PASK: variants seen among roughly 807,000 people sequenced by gnomAD.
The protein encoded by PASK is PAS domain-containing serine/threonine-protein kinase.
Under a neutral mutation model 121.0 loss-of-function variants are expected in PASK, and 110 were observed. The ratio of observed to expected loss-of-function variants is 0.91; its 90% CI spans 0.78 to 1.06. The LOEUF is 1.06. Ranked by LOEUF, PASK falls within the 50% of genes least tolerant of loss-of-function variation. PASK has a pLI of 0.00. For missense variants in PASK, 1,643 were observed against 1,702.3 expected (o/e 0.97, Z 0.61); for synonymous variants, 686 against 717.8 (o/e 0.96, Z 0.71).
intron 1 of PASK, among the ~76,000 whole-genome samples, chr2:241,146,997 A>G (rs540526128): frequency 1.1e-4 from 16 of 152,348 alleles, no homozygotes; most frequent in African/African-American, 3.4e-4. Context: ...GATGTGTAGG[A>G]AGCTATTACA....
chr2:241,140,052 G>C lies in PASK; in HGVS notation c.433C>G (p.Leu145Val), dbSNP rs780775907. ...FTVDAKTTEI[L>V]VANDKACGLL... ...CCGCAAGCTTTGTCGTTAGCAACCA[G>C]GATCTGAGGAATCACAAAGAGGAGC... Residue 145 changes from leucine to valine, a missense_variant, in exon 4 of 18, where the codon CTG becomes GTG. By Grantham distance (32) the Leu-to-Val change is conservative. Transcript: ENST00000234040. The C allele has an allele frequency of 6.2e-7, 1 of 1,613,640 alleles. No homozygotes were observed. Among genetic ancestry groups the C allele is most frequent in the Admixed American group, 1.7e-5 (1 of 59,988 alleles).
intron 11 of PASK, among the ~76,000 whole-genome samples, chr2:241,123,149 G>C (rs112847895): frequency 0.037 from 5,589 of 151,540 alleles, 359 homozygotes; most frequent in African/African-American, 0.13. Context: ...CATATACATG[G>C]GCCTAGGCAG....
chr2:241,126,052 A>G, intron 10 of PASK, 144 bp downstream of exon 10: 1 of 781,352 alleles, frequency 1.3e-6, no homozygotes, highest in Non-Finnish European at 2.1e-6. Context: ...GGTGGATGAT[A>G]TGCATTCTCC....
At chr2:241,148,046 A>G (rs2067051977) in intron 1 of PASK, among the ~76,000 whole-genome samples, 1 of 152,172 alleles carries the variant, frequency 6.6e-6, no homozygotes, top group African/African-American at 2.4e-5. Context: ...ATGACCTTAG[A>G]TCACTAAATT....
intron 1 of PASK, among the ~76,000 whole-genome samples, chr2:241,148,460 T>G (rs2067083457): frequency 1.3e-5 from 2 of 152,130 alleles, no homozygotes. Context: ...AGGAGGCACC[T>G]GCAGAGCCGG....
At chr2:241,125,609 G>GAAAAAAAAAAAAAAAAAAAAAA (rs11353969) in intron 10 of PASK, among the ~76,000 whole-genome samples, 1 of 118,396 alleles carries the variant, frequency 8.4e-6, no homozygotes, top group Non-Finnish European at 1.8e-5. Flanking sequence ...CAAAAAAAAA[G>GAAAAAAAAAAAAAAAAAAAAAA]AAAAAAAAAA....
rs1296628970 is a variant in PASK at position 241,108,769 on chromosome 2, T to C, written c.3534-469A>G. 3.7e-6 allele frequency: 1 copy of C among 273,406 alleles called. No homozygotes were observed. Among genetic ancestry groups the C allele is most frequent in the East Asian group, 9.1e-5 (1 of 10,972 alleles). 16.9% of individuals were successfully genotyped at this position (273,406 alleles called of 1,614,324 possible). A position where few individuals can be genotyped will look rare whatever the true frequency, so the allele number is the denominator to read the frequency against. On this transcript the variant is annotated intron_variant, in intron 15 of 17. Coordinates refer to ENST00000234040, the MANE Select transcript of PASK (RefSeq NM_015148.4). This position sits in a 1 kb window ranked among gnomAD's most constrained non-coding sequence, Gnocchi z 5.2. ...TGGACACACATGCCCTTTAGGAAGATGGCTGTGGCGACGATGTGAAGGGTG... is the reference window on the plus strand; with the variant it reads ...TGGACACACATGCCCTTTAGGAAGACGGCTGTGGCGACGATGTGAAGGGTG...
intron 12 of PASK, among the ~76,000 whole-genome samples, chr2:241,120,678 T>C (rs935919361): frequency 3.3e-5 from 5 of 152,118 alleles, no homozygotes; most frequent in Non-Finnish European, 7.4e-5. Flanking sequence ...CAATAATAAG[T>C]GTTGACAAGG....
intron 6 of PASK, 98 bp from the exon 7 acceptor site, chr2:241,137,362 G>A (rs767001575): frequency 6.4e-5 from 61 of 956,706 alleles, no homozygotes; most frequent in Non-Finnish European, 7.8e-5. Flanking sequence ...CCACGTCATC[G>A]GGGAAGGTCC....
chr2:241,114,487 T>C (rs2065242326), intron 14 of PASK: 6 of 998,918 alleles, frequency 6.0e-6, no homozygotes, highest in Non-Finnish European at 7.2e-6. Context: ...TTCTTCCCCC[T>C]GTCCCTCTGC....
intron 9 of PASK, among the ~76,000 whole-genome samples, chr2:241,129,721 C>T (rs368236105): frequency 2.8e-4 from 42 of 152,320 alleles, no homozygotes; most frequent in African/African-American, 9.4e-4. Flanking sequence ...AGCCAGGCAT[C>T]GCCACGCCAC....
At position 241,124,110 on chromosome 2, in the gene PASK, C is replaced by T; in HGVS notation, c.2743G>A (p.Val915Met). The T allele has an allele frequency of 6.2e-7, 1 of 1,613,636 alleles. No homozygotes were observed. The highest frequency in any genetic ancestry group is 1.3e-5 in the African/African-American group (1 of 75,022). The change falls in exon 11 of 18, where the codon GTG becomes ATG. Residue 915 changes from valine (V) to methionine (M), a missense_variant. By Grantham distance (21) the Val-to-Met change is conservative. Coordinates refer to ENST00000234040, the MANE Select transcript of PASK (RefSeq NM_015148.4). ...AGAGGTGTGGGGCCCTGGAGCTCCACCCGCCTCACCTCAAACTGTATACCT... is the reference window on the plus strand; with the variant it reads ...AGAGGTGTGGGGCCCTGGAGCTCCATCCGCCTCACCTCAAACTGTATACCT... ...RLSIQFEVRR[V>M]ELQGPTPLFC...
rs1453129115 is a variant in PASK, at chr2:241,138,051, G to A, written c.778C>T (p.Leu260Phe). Residue 260 changes from leucine to phenylalanine, a missense_variant, in exon 6 of 18, where the codon CTT becomes TTT. By Grantham distance (22) the Leu-to-Phe change is conservative. Around this residue, in one of 3 missense-constraint regions of PASK, gnomAD observed 1,176 missense variants for 1,162.2 expected, o/e 1.01. Transcript: ENST00000234040. ...TCCTCCCCAGACACGTACCCGTGAA[G>A]ATGAGCAAAGAGACTGTCACATGAC... ...VTSCDSLFAH[L>F]HGYVSGEDVA... 1.9e-6 allele frequency: 3 copies of A among 1,614,218 alleles called. No individual in the cohort carries two copies. Among genetic ancestry groups the A allele is most frequent in the Admixed American group, 3.3e-5 (2 of 60,026 alleles).
intron 9 of PASK, among the ~76,000 whole-genome samples, chr2:241,127,912 A>G (rs2125431017): frequency 6.6e-6 from 1 of 152,354 alleles, no homozygotes; most frequent in Admixed American, 6.5e-5. Flanking sequence ...ACACCATCCG[A>G]TTTCACAGCC....
chr2:241,139,983 T>A lies in PASK; in HGVS notation c.502A>T (p.Thr168Ser). 6.2e-7 allele frequency: 1 copy of A among 1,613,986 alleles called. No homozygotes were observed. Among genetic ancestry groups the A allele is most frequent in the Non-Finnish European group, 8.5e-7 (1 of 1,179,822 alleles). The change falls in exon 4 of 18, where the codon ACG (threonine) becomes TCG (serine). Residue 168 changes from threonine to serine, a missense_variant. Thr to Ser is a moderately conservative substitution (Grantham distance 58). Transcript: ENST00000234040. ...SSQDLIGQKLTQFFLRSDSDV... is the reference protein window; with the variant it reads ...SSQDLIGQKLSQFFLRSDSDV... ...GAATCTGACCTCAGAAAGAACTGCG[T>A]GAGCTTCTGGCCAATCAGGTCCTGG...
chr2:241,116,858 CTGAG>C (rs1463318398), intron 12 of PASK, among the ~76,000 whole-genome samples: 2 of 152,158 alleles, frequency 1.3e-5, no homozygotes, highest in Admixed American at 6.5e-5. Flanking sequence ...GGAAGAGATG[CTGAG>C]TGAGATCACG....
At chr2:241,132,454 T>C (rs2066195362) in intron 9 of PASK, among the ~76,000 whole-genome samples, 1 of 130,984 alleles carries the variant, frequency 7.6e-6, no homozygotes, top group Admixed American at 8.8e-5. Flanking sequence ...GAGGCGGAGC[T>C]TGCAATGCAA....
intron 17 of PASK, 110 bp downstream of exon 17, chr2:241,107,243 G>A: frequency 4.2e-6 from 4 of 954,994 alleles, no homozygotes; most frequent in South Asian, 3.9e-5. Context: ...GTCCAAGACA[G>A]CATGGGGGAG....
chr2:241,135,013 C>T (rs1333318214), intron 8 of PASK, among the ~76,000 whole-genome samples: 1 of 152,190 alleles, frequency 6.6e-6, no homozygotes, highest in African/African-American at 2.4e-5. Context: ...CAGCCAGGGG[C>T]CTGCTCCTTA....
Sources: gnomAD v4.1 joint callset for allele counts (sites outside exome capture counted in the v4.1 genomes callset) on GRCh38, gnomAD v4.1.1 for gene constraint, gnomAD v4.1.1 regional missense constraint, Gnocchi (gnomAD v3.1) non-coding constraint, MANE v1.5 for transcripts, NCBI Gene and HGNC (gene_info 2026-07-23, HGNC 2026-07-21) for gene names.